PLEKHG5: variants seen among roughly 807,000 people sequenced by gnomAD.
The protein encoded by PLEKHG5 is pleckstrin homology and RhoGEF domain containing G5, also known as pleckstrin homology domain-containing family G member 5.
A neutral mutation model predicts 103.8 loss-of-function variants in PLEKHG5; 52 were observed. The ratio of observed to expected loss-of-function variants is 0.50; its 90% CI spans 0.40 to 0.63. PLEKHG5 has a LOEUF of 0.63. Among genes scored for constraint, PLEKHG5 ranks in the 30% least tolerant of loss-of-function variants. The pLI is 0.00. For synonymous variants in PLEKHG5, 592 were observed against 575.5 expected, an observed-to-expected ratio of 1.03 and a Z score of -0.41; for missense variants, 1,205 against 1,347.6, an observed-to-expected ratio of 0.89 and a Z score of 1.66.
At chr1:6,473,556 G>A (rs1240734288) in intron 7 of PLEKHG5, 102 bp from the exon 8 acceptor site, 1 of 898,692 alleles carries the variant, frequency 1.1e-6, no homozygotes, top group Non-Finnish European at 1.6e-6. Context: ...GGATGGAGGA[G>A]GGTCTCTGCA....
chr1:6,499,670 A>G (rs1645274142), upstream of PLEKHG5, among the ~76,000 whole-genome samples: 1 of 152,166 alleles, frequency 6.6e-6, no homozygotes, highest in Non-Finnish European at 1.5e-5. Flanking sequence ...TAGGCCTGTC[A>G]TGAGCTCTCC....
rs1320508449 is a variant in PLEKHG5 at position 6,486,159 on chromosome 1, C to T, written c.-88+5478G>A. Among the ~76,000 whole-genome samples, 7 of 152,110 alleles carry T rather than the reference C, an allele frequency of 4.6e-5. No individual in the cohort carries two copies. Among genetic ancestry groups the T allele is most frequent in the Non-Finnish European group, 8.8e-5 (6 of 67,994 alleles). On this transcript the variant is annotated intron_variant, in intron 1 of 20. Transcript: ENST00000377728. The surrounding 1 kb of genome is among the most constrained non-coding windows in gnomAD (Gnocchi z 5.3). ...CTCCTGGAGACCCCCACCCCCGCCT[C>T]GGAGCCTCAGCCCAGGGGACCCCTT...
intron 7 of PLEKHG5, 82 bp downstream of exon 7, chr1:6,473,931 G>A (rs1569874297): frequency 1.5e-6 from 2 of 1,352,740 alleles, no homozygotes; most frequent in East Asian, 5.0e-5. Flanking sequence ...AGAGACCCAG[G>A]GTGACTGCCT....
Position 6,468,598 on chromosome 1 carries a change from G to C in PLEKHG5, c.2250-12C>G. On this transcript the variant is annotated splice_polypyrimidine_tract_variant and intron_variant, in intron 19 of 20. Transcript: ENST00000377728. ...AGCCATCTGAGGCACTGTGGGGCCA[G>C]GAGCAGAGTCAGCCCAGGCCATGAA... The C allele has an allele frequency of 5.0e-6, 8 of 1,612,910 alleles. No individual in the cohort carries two copies. Among genetic ancestry groups the C allele is most frequent in the Non-Finnish European group, 6.8e-6 (8 of 1,179,910 alleles).
intron 1 of PLEKHG5, among the ~76,000 whole-genome samples, chr1:6,507,830 C>A (rs1172185605): frequency 1.3e-5 from 2 of 152,230 alleles, no homozygotes; most frequent in Non-Finnish European, 2.9e-5. Context: ...CACTGGCACC[C>A]ACACGACCTG....
Position 6,467,221 on chromosome 1 carries a change from G to T in PLEKHG5, c.*342C>A. Reference sequence around the variant, plus strand: ...CAGGGGTGGCCTGTGGGACTGGGAAGGTGGGGGCAGGGCAGGAGTGAATCC... The same window carrying T: ...CAGGGGTGGCCTGTGGGACTGGGAATGTGGGGGCAGGGCAGGAGTGAATCC... On this transcript the variant is annotated 3_prime_UTR_variant, in exon 21 of 21. Coordinates refer to ENST00000377728, the MANE Select transcript of PLEKHG5 (RefSeq NM_020631.6). The T allele has an allele frequency of 2.0e-6, 1 of 501,974 alleles. No homozygotes were observed. The highest frequency in any genetic ancestry group is 2.1e-5 in the South Asian group (1 of 48,634). The allele number at this position is 501,974 out of a possible 1,614,324, so 31.1% of individuals were successfully genotyped here.
intron 19 of PLEKHG5, 93 bp from the exon 20 acceptor site, chr1:6,468,679 C>T: frequency 7.3e-7 from 1 of 1,373,874 alleles, no homozygotes; most frequent in Non-Finnish European, 1.0e-6. Context: ...TTTATACCCT[C>T]TGCCCTCCTG....
chr1:6,514,521 C>T (rs1481172020), intron 1 of PLEKHG5, among the ~76,000 whole-genome samples: 1 of 150,488 alleles, frequency 6.6e-6, no homozygotes, highest in Non-Finnish European at 1.5e-5. Flanking sequence ...CCAGCACTTT[C>T]GGAGGCTGAG....
chr1:6,510,374 C>T (rs1007694982), intron 1 of PLEKHG5, among the ~76,000 whole-genome samples: 4 of 152,010 alleles, frequency 2.6e-5, no homozygotes, highest in Middle Eastern at 3.4e-3. Flanking sequence ...AGGTGGATCA[C>T]GAGGTCAGGA....
chr1:6,508,396 T>C (rs1638384852), intron 1 of PLEKHG5, among the ~76,000 whole-genome samples: 1 of 152,150 alleles, frequency 6.6e-6, no homozygotes, highest in Admixed American at 6.5e-5. Context: ...GCTGTCCTCC[T>C]CTGTCTCCCA....
chr1:6,490,473 G>T lies in PLEKHG5; in HGVS notation c.-88+1164C>A. The T allele has an allele frequency of 2.1e-6, 2 of 967,880 alleles. No homozygotes were observed. The highest frequency in any genetic ancestry group is 1.2e-6 in the Non-Finnish European group (1 of 828,848). The allele number at this position is 967,880 out of a possible 1,614,324, so 60.0% of individuals were successfully genotyped here. On this transcript the variant is annotated intron_variant, in intron 1 of 20. Coordinates refer to ENST00000377728, the MANE Select transcript of PLEKHG5 (RefSeq NM_020631.6). This position sits in a 1 kb window ranked among gnomAD's most constrained non-coding sequence, Gnocchi z 8.0. Reference sequence around the variant, plus strand: ...GGAACAGGACCAGGGTCTCCTCCCCGGTGTCTAAGGCTCTAAGGCTCGGGC... The same window carrying T: ...GGAACAGGACCAGGGTCTCCTCCCCTGTGTCTAAGGCTCTAAGGCTCGGGC...
chr1:6,490,349 A>C lies in PLEKHG5; in HGVS notation c.-88+1288T>G. ...CCCACAGGCCTGGCACTACGTGGGA[A>C]TCTCGAATCCGGGTTCTGTCCATCG... On this transcript the variant is annotated intron_variant, in intron 1 of 20. Coordinates refer to ENST00000377728, the MANE Select transcript of PLEKHG5 (RefSeq NM_020631.6). This position sits in a 1 kb window ranked among gnomAD's most constrained non-coding sequence, Gnocchi z 8.0. The C allele has an allele frequency of 1.6e-6, 1 of 631,254 alleles. No homozygotes were observed. Among genetic ancestry groups the C allele is most frequent in the Non-Finnish European group, 2.0e-6 (1 of 507,988 alleles). 39.1% of individuals were successfully genotyped at this position (631,254 alleles called of 1,614,324 possible).
chr1:6,485,214 C>T, intron 1 of PLEKHG5: 1 of 706,612 alleles, frequency 1.4e-6, no homozygotes, highest in Non-Finnish European at 2.0e-6. Flanking sequence ...CTGGGGGCCG[C>T]GGGGCCCATA....
At chr1:6,509,671 G>A (rs1456679557) in intron 1 of PLEKHG5, among the ~76,000 whole-genome samples, 1 of 152,176 alleles carries the variant, frequency 6.6e-6, no homozygotes, top group Non-Finnish European at 1.5e-5. Flanking sequence ...CCACTGCAGG[G>A]GTTTTCTGAG....
upstream of PLEKHG5, among the ~76,000 whole-genome samples, chr1:6,492,347 C>T (rs1645162492): frequency 6.6e-6 from 1 of 152,156 alleles, no homozygotes; most frequent in African/African-American, 2.4e-5. Context: ...AGACCTCGAA[C>T]AGTGCCCAGT....
chr1:6,485,379 AG>A (rs1453226989), intron 1 of PLEKHG5: 3 of 1,411,752 alleles, frequency 2.1e-6, no homozygotes, highest in South Asian at 3.0e-5. Flanking sequence ...CGAGTCCCGG[AG>A]GGGCAGCCCC....
At position 6,471,109 on chromosome 1, in the gene PLEKHG5, G is replaced by A. The variant is rs1467122176; in HGVS notation, c.1282-9C>T. The A allele has an allele frequency of 3.3e-5, 52 of 1,569,978 alleles. No homozygotes were observed. Among genetic ancestry groups the A allele is most frequent in the Non-Finnish European group, 4.4e-5 (51 of 1,158,176 alleles). ...TTGAAGAGCGAGCCGAACTGGCCCG[G>A]GGCAGAACAACCACGGCGCCGGTTA... On this transcript the variant is annotated splice_polypyrimidine_tract_variant and intron_variant, in intron 12 of 20. Transcript: ENST00000377728.
upstream of PLEKHG5, among the ~76,000 whole-genome samples, chr1:6,498,422 C>T (rs963892786): frequency 6.6e-6 from 1 of 152,194 alleles, no homozygotes; most frequent in Admixed American, 6.5e-5. Flanking sequence ...GGACTCCTGG[C>T]ACAGCAAAGT....
chr1:6,468,805 G>C (rs972277035), intron 19 of PLEKHG5, among the ~76,000 whole-genome samples: 1 of 152,208 alleles, frequency 6.6e-6, no homozygotes, highest in Non-Finnish European at 1.5e-5. Flanking sequence ...GGCTGGATCT[G>C]CCCTAAGGAT....
Sources: gnomAD v4.1 joint callset for allele counts (sites outside exome capture counted in the v4.1 genomes callset) on GRCh38, gnomAD v4.1.1 for gene constraint, Gnocchi (gnomAD v3.1) non-coding constraint, MANE v1.5 for transcripts, NCBI Gene and HGNC (gene_info 2026-07-23, HGNC 2026-07-21) for gene names.